Variants in SPIN1 observed in about 807,000 individuals in gnomAD.
SPIN1 encodes the protein spindlin-1.
Under a neutral mutation model 26.0 loss-of-function variants are expected in SPIN1, and 3 were observed. The observed-to-expected ratio is 0.12, with a 90% CI of 0.05 to 0.30. SPIN1 has a LOEUF of 0.30. Ranked by LOEUF, SPIN1 falls within the 10% of genes least tolerant of loss-of-function variation. The pLI is 1.00. For synonymous variants in SPIN1, 101 were observed against 116.5 expected, an observed-to-expected ratio of 0.87 and a Z score of 0.86; for missense variants, 126 against 333.4, an observed-to-expected ratio of 0.38 and a Z score of 4.84.
chr9:88,444,385 C>T (rs910931501), intron 2 of SPIN1, among the ~76,000 whole-genome samples: 1 of 149,956 alleles, frequency 6.7e-6, no homozygotes, highest in Non-Finnish European at 1.5e-5. Context: ...GGACTACAGG[C>T]ACCTGCCACT....
At chr9:88,451,736 T>G (rs1303042009) in intron 3 of SPIN1, among the ~76,000 whole-genome samples, 3 of 152,142 alleles carry the variant, frequency 2.0e-5, no homozygotes, top group Admixed American at 6.5e-5. Context: ...AATTTTTGTA[T>G]TTTTAGTATA....
intron 4 of SPIN1, among the ~76,000 whole-genome samples, chr9:88,465,635 ATTAGGT>A (rs1367582008): frequency 6.6e-6 from 1 of 152,104 alleles, no homozygotes; most frequent in Non-Finnish European, 1.5e-5. Flanking sequence ...CCATTTTTTA[ATTAGGT>A]TATTTTGATT....
At chr9:88,436,688 C>T (rs559212772) in intron 2 of SPIN1, among the ~76,000 whole-genome samples, 59 of 150,230 alleles carry the variant, frequency 3.9e-4, no homozygotes, top group Admixed American at 1.3e-3. Context: ...AATCATACAG[C>T]GTGGAGTCTT....
intron 4 of SPIN1, among the ~76,000 whole-genome samples, chr9:88,463,388 GTATT>G (rs779717126): frequency 1.3e-5 from 2 of 152,206 alleles, no homozygotes; most frequent in East Asian, 3.9e-4. Flanking sequence ...TTTTTTTGAA[GTATT>G]TATTTTGAAA....
At chr9:88,472,479 C>T (rs182391233) in intron 5 of SPIN1, among the ~76,000 whole-genome samples, 43 of 152,064 alleles carry the variant, frequency 2.8e-4, no homozygotes, top group African/African-American at 7.7e-4. Flanking sequence ...GGTGAGCCGC[C>T]GCGCCTGGCC....
chr9:88,438,324 A>G (rs1828050302), intron 2 of SPIN1, among the ~76,000 whole-genome samples: 1 of 152,084 alleles, frequency 6.6e-6, no homozygotes, highest in African/African-American at 2.4e-5. Context: ...GCTTAGAAGT[A>G]TGTTGTTCAA....
chr9:88,390,505 G>A (rs1349077868), intron 1 of SPIN1, among the ~76,000 whole-genome samples: 1 of 152,144 alleles, frequency 6.6e-6, no homozygotes, highest in Admixed American at 6.5e-5. Context: ...TTCATTGCTA[G>A]CATCTTTTTT....
At chr9:88,434,579 A>G (rs1456468652) in intron 2 of SPIN1, among the ~76,000 whole-genome samples, 2 of 152,032 alleles carry the variant, frequency 1.3e-5, no homozygotes, top group Non-Finnish European at 2.9e-5. Flanking sequence ...GTACCCATTA[A>G]CTTTTCTTTT....
At chr9:88,451,239 G>C (rs967059384) in intron 3 of SPIN1, among the ~76,000 whole-genome samples, 1 of 152,108 alleles carries the variant, frequency 6.6e-6, no homozygotes, top group Non-Finnish European at 1.5e-5. Flanking sequence ...CCCTCCTTCT[G>C]TCTCTTCCCA....
At chr9:88,422,876 A>C (rs1054927999) in intron 1 of SPIN1, among the ~76,000 whole-genome samples, 3 of 151,958 alleles carry the variant, frequency 2.0e-5, no homozygotes, top group South Asian at 4.2e-4. Context: ...TGCCTGGCTA[A>C]TTTTTGTATT....
rs968823683 is a variant in SPIN1, at chr9:88,388,543, G to A, written c.-159+5G>A. On this transcript the variant is annotated splice_donor_5th_base_variant and intron_variant, in intron 1 of 5. Transcript: ENST00000375859. The stretch of plus-strand genomic sequence containing the variant: ...TGCAGCCTCGGCGGTCAGCAGGTGA[G>A]GCCCGCGCAGGGCGGGCGTGGGTCG... 1 of 148,486 alleles carries A rather than the reference G, an allele frequency of 6.7e-6. No homozygotes were observed. The highest frequency in any genetic ancestry group is 1.5e-5 in the Non-Finnish European group (1 of 66,904). 9.2% of individuals were successfully genotyped at this position (148,486 alleles called of 1,614,324 possible).
At chr9:88,440,427 G>A (rs1327434967) in intron 2 of SPIN1, among the ~76,000 whole-genome samples, 1 of 152,218 alleles carries the variant, frequency 6.6e-6, no homozygotes, top group East Asian at 1.9e-4. Flanking sequence ...CCAAAGTGCT[G>A]GGATTACGGG....
At chr9:88,404,275 A>G (rs555935222) in intron 1 of SPIN1, among the ~76,000 whole-genome samples, 13 of 152,342 alleles carry the variant, frequency 8.5e-5, no homozygotes, top group African/African-American at 2.6e-4. Flanking sequence ...TAGACTGTGT[A>G]TAAACACTGT....
At chr9:88,462,811 T>C (rs1828597236) in intron 4 of SPIN1, 62 bp downstream of exon 4, 1 of 1,491,360 alleles carries the variant, frequency 6.7e-7, no homozygotes, top group East Asian at 2.3e-5. Context: ...CTGGATGCTT[T>C]TTTTATTTTA....
At chr9:88,414,433 T>TA (rs1827519716) in intron 1 of SPIN1, among the ~76,000 whole-genome samples, 2 of 152,184 alleles carry the variant, frequency 1.3e-5, no homozygotes, top group African/African-American at 4.8e-5. Context: ...TTCAGGGATT[T>TA]AAAGGGCACC....
chr9:88,423,348 A>G (rs1018926496), intron 1 of SPIN1, among the ~76,000 whole-genome samples: 1 of 152,116 alleles, frequency 6.6e-6, no homozygotes, highest in Non-Finnish European at 1.5e-5. Context: ...TGATCTTTGA[A>G]GTCATTCTGT....
intron 4 of SPIN1, among the ~76,000 whole-genome samples, chr9:88,466,848 AC>A (rs1828679311): frequency 6.6e-6 from 1 of 152,060 alleles, no homozygotes; most frequent in Non-Finnish European, 1.5e-5. Flanking sequence ...GTGATTCACC[AC>A]CTGAGCCTTC....
chr9:88,450,898 GA>G (rs981433328), intron 3 of SPIN1, among the ~76,000 whole-genome samples: 3 of 152,142 alleles, frequency 2.0e-5, no homozygotes, highest in Admixed American at 2.0e-4. Flanking sequence ...GAGCTTTGAA[GA>G]GGCTGCCTGG....
intron 1 of SPIN1, among the ~76,000 whole-genome samples, chr9:88,419,669 A>T (rs1827635804): frequency 6.6e-6 from 1 of 152,218 alleles, no homozygotes; most frequent in Admixed American, 6.5e-5. Flanking sequence ...CTGAAATAAA[A>T]GTTCAAAGAA....
Sources: allele counts gnomAD v4.1 joint callset (sites outside exome capture counted in the v4.1 genomes callset), GRCh38; gene constraint gnomAD v4.1.1; transcripts MANE v1.5; gene names NCBI Gene and HGNC (gene_info 2026-07-23, HGNC 2026-07-21).